ACTR3C: variants seen among roughly 807,000 people sequenced by gnomAD.
ACTR3C encodes the protein actin-related protein 3C.
In ACTR3C, 18 loss-of-function variants were observed where a neutral mutation model predicts 26.3. That is an observed-to-expected ratio of 0.68 (90% CI 0.47 to 1.01). The LOEUF is 1.01. Among genes scored for constraint, ACTR3C ranks in the 50% least tolerant of loss-of-function variants. The pLI is 0.00. For synonymous variants in ACTR3C, 55 were observed against 94.5 expected, an observed-to-expected ratio of 0.58 and a Z score of 2.42; for missense variants, 184 against 250.7, an observed-to-expected ratio of 0.73 and a Z score of 1.80.
chr7:150,041,059 C>T, the ACTR3C span, among the ~76,000 whole-genome samples: 7 of 150,690 alleles, frequency 4.6e-5, no homozygotes, highest in Non-Finnish European at 1.0e-4. Flanking sequence ...AAAAGTCCAG[C>T]TGCCATCTTT....
the ACTR3C span, among the ~76,000 whole-genome samples, chr7:150,111,391 G>A: frequency 0.48 from 43,067 of 88,830 alleles, 12,215 homozygotes; most frequent in East Asian, 0.76. Flanking sequence ...TGCCAAGCGC[G>A]GCCCGCCCTG....
At chr7:150,038,747 G>C in the ACTR3C span, among the ~76,000 whole-genome samples, 2 of 145,448 alleles carry the variant, frequency 1.4e-5, no homozygotes, top group African/African-American at 2.6e-5. Flanking sequence ...CAACGATGGG[G>C]GGGTCCTAAG....
the ACTR3C span, among the ~76,000 whole-genome samples, chr7:150,161,336 G>A: frequency 6.6e-6 from 1 of 150,654 alleles, no homozygotes; most frequent in East Asian, 2.0e-4. Context: ...TTTACATTAG[G>A]TATATCTCCT....
the ACTR3C span, among the ~76,000 whole-genome samples, chr7:149,906,556 C>T: frequency 4.0e-5 from 6 of 150,326 alleles, no homozygotes; most frequent in East Asian, 2.0e-4. Context: ...CTCAGCCTCC[C>T]GAGTAGCTGG....
At chr7:150,168,289 G>A in the ACTR3C span, among the ~76,000 whole-genome samples, 1,100 of 150,726 alleles carry the variant, frequency 7.3e-3, 87 homozygotes, top group African/African-American at 0.026. Flanking sequence ...GATCAGCAGC[G>A]GCATTAGATT....
the ACTR3C span, among the ~76,000 whole-genome samples, chr7:150,093,339 C>T: frequency 6.6e-6 from 1 of 151,122 alleles, no homozygotes; most frequent in Non-Finnish European, 1.5e-5. Flanking sequence ...CTTTGAAAAC[C>T]ACTATTGTAA....
chr7:150,191,656 T>C, the ACTR3C span, among the ~76,000 whole-genome samples: 1 of 152,338 alleles, frequency 6.6e-6, no homozygotes, highest in African/African-American at 2.4e-5. Flanking sequence ...TGTCTGCAGA[T>C]AGAGGCAGTT....
chr7:150,273,705 A>G (rs1230599163), intron 6 of ACTR3C, among the ~76,000 whole-genome samples: 1 of 151,326 alleles, frequency 6.6e-6, no homozygotes, highest in Non-Finnish European at 1.5e-5. Flanking sequence ...CTAAAGTCAA[A>G]CCCCCCAGAC....
At chr7:150,114,426 G>C in the ACTR3C span, among the ~76,000 whole-genome samples, 1 of 151,516 alleles carries the variant, frequency 6.6e-6, no homozygotes, top group East Asian at 1.9e-4. Flanking sequence ...ATCCAATTTG[G>C]GGCCTGAAGA....
intron 1 of ACTR3C, among the ~76,000 whole-genome samples, chr7:150,305,981 A>G (rs1175751593): frequency 2.0e-5 from 3 of 152,140 alleles, no homozygotes; most frequent in Non-Finnish European, 2.9e-5. Context: ...TTCCATTAAC[A>G]TACGGTTAAG....
the ACTR3C span, among the ~76,000 whole-genome samples, chr7:150,196,201 TCTC>T: frequency 6.6e-6 from 1 of 152,248 alleles, no homozygotes; most frequent in Admixed American, 6.5e-5. Context: ...AAACATTTCT[TCTC>T]CTCAAATCTT....
the ACTR3C span, among the ~76,000 whole-genome samples, chr7:150,051,984 G>A: frequency 6.6e-6 from 1 of 152,246 alleles, no homozygotes; most frequent in East Asian, 1.9e-4. Flanking sequence ...TGGGTGCTGA[G>A]GGAGAAGGAC....
chr7:150,090,132 A>G, the ACTR3C span, among the ~76,000 whole-genome samples: 1 of 152,254 alleles, frequency 6.6e-6, no homozygotes, highest in Non-Finnish European at 1.5e-5. Context: ...AAATATTGAC[A>G]TGCACGTAGA....
chr7:150,182,792 G>A, the ACTR3C span, among the ~76,000 whole-genome samples: 1 of 151,006 alleles, frequency 6.6e-6, no homozygotes, highest in Non-Finnish European at 1.5e-5. Flanking sequence ...ACTATCAAAT[G>A]TCTACCTTTC....
intron 5 of ACTR3C, among the ~76,000 whole-genome samples, chr7:150,286,137 C>T (rs1296270456): frequency 6.6e-6 from 1 of 152,108 alleles, no homozygotes; most frequent in South Asian, 2.1e-4. Flanking sequence ...TAAAAGTCTT[C>T]CTAACTATTT....
chr7:149,886,538 G>T, the ACTR3C span, among the ~76,000 whole-genome samples: 631 of 152,292 alleles, frequency 4.1e-3, 2 homozygotes, highest in African/African-American at 0.015. Context: ...ATACTAAAAA[G>T]TCTAAGATAA....
chr7:150,140,004 TCACACACACATG>T, the ACTR3C span, among the ~76,000 whole-genome samples: 1 of 151,506 alleles, frequency 6.6e-6, no homozygotes, highest in Non-Finnish European at 1.5e-5. Flanking sequence ...GCACACACAT[TCACACACACATG>T]CACACACACG....
At chr7:150,314,850 G>A (rs2129616411) in intron 1 of ACTR3C, among the ~76,000 whole-genome samples, 1 of 149,764 alleles carries the variant, frequency 6.7e-6, no homozygotes, top group East Asian at 1.9e-4. Context: ...TACTCACAAG[G>A]CGGAGGCGAG....
chr7:149,895,914 T>C, the ACTR3C span, among the ~76,000 whole-genome samples: 1 of 151,696 alleles, frequency 6.6e-6, no homozygotes, highest in South Asian at 2.1e-4. Flanking sequence ...ATAATGTTTC[T>C]AGGCCAGGCA....
Sources: allele counts gnomAD v4.1 joint callset (sites outside exome capture counted in the v4.1 genomes callset), GRCh38; gene constraint gnomAD v4.1.1; transcripts MANE v1.5; gene names NCBI Gene and HGNC (gene_info 2026-07-23, HGNC 2026-07-21).